Variants in CRBN observed in about 807,000 individuals in gnomAD.
CRBN encodes protein cereblon.
A neutral mutation model predicts 62.2 loss-of-function variants in CRBN; 53 were observed. That is an observed-to-expected ratio of 0.85 (90% CI 0.68 to 1.07). The LOEUF is 1.07. Among genes scored for constraint, CRBN ranks in the 50% least tolerant of loss-of-function variants. The pLI is 0.00. For missense variants in CRBN, 616 were observed against 531.1 expected (o/e 1.16, Z -1.57); for synonymous variants, 208 against 176.1 (o/e 1.18, Z -1.43).
At chr3:3,157,898 T>TTA (rs1377206134) in intron 5 of CRBN, among the ~76,000 whole-genome samples, 32 of 152,210 alleles carry the variant, frequency 2.1e-4, no homozygotes. Context: ...GATGTTCAGT[T>TTA]TAGAGCTGTC....
At chr3:3,162,977 G>A (rs532897440) in intron 5 of CRBN, among the ~76,000 whole-genome samples, 4 of 152,316 alleles carry the variant, frequency 2.6e-5, no homozygotes, top group African/African-American at 9.6e-5. Flanking sequence ...GGTGCAGCAT[G>A]CCAAACCACT....
At chr3:3,169,458 G>C (rs1292101149) in intron 4 of CRBN, among the ~76,000 whole-genome samples, 2 of 97,180 alleles carry the variant, frequency 2.1e-5, no homozygotes, top group African/African-American at 5.9e-5. Context: ...TTTCAAATTA[G>C]GTACAGACTA....
chr3:3,162,237 A>T (rs921827434), intron 5 of CRBN, among the ~76,000 whole-genome samples: 1 of 152,232 alleles, frequency 6.6e-6, no homozygotes, highest in Admixed American at 6.5e-5. Flanking sequence ...TATATGAATA[A>T]GCAGATGGTC....
intron 5 of CRBN, among the ~76,000 whole-genome samples, chr3:3,165,094 A>G (rs1315873114): frequency 3.3e-5 from 5 of 152,188 alleles, no homozygotes; most frequent in African/African-American, 9.6e-5. Context: ...CAGAAACAAA[A>G]AGAGAACTAA....
At chr3:3,161,294 C>A (rs1302547750) in intron 5 of CRBN, among the ~76,000 whole-genome samples, 1 of 152,156 alleles carries the variant, frequency 6.6e-6, no homozygotes, top group Non-Finnish European at 1.5e-5. Context: ...AAAGGAAACA[C>A]AAACTGCTCT....
intron 2 of CRBN, 120 bp downstream of exon 2, chr3:3,175,043 A>G (rs1707775831): frequency 1.0e-5 from 3 of 292,916 alleles, no homozygotes; most frequent in Non-Finnish European, 2.2e-5. Context: ...CAAATAGCCC[A>G]TGTCCTCATC....
At position 3,172,911 on chromosome 3, in the gene CRBN, C is replaced by G; in HGVS notation, c.392G>C (p.Arg131Thr). The G allele has an allele frequency of 2.5e-6, 4 of 1,613,780 alleles. No individual in the cohort carries two copies. The highest frequency in any genetic ancestry group is 3.4e-6 in the Non-Finnish European group (4 of 1,179,762). ...TGCTGTTGTTCCAAACTGTGCTTCC[C>G]TTTCCTGTACATTGCTTCCAAGAAA... ...AVLAYSNVQE[R>T]EAQFGTTAEI... The change falls in exon 4 of 11, where the codon AGG becomes ACG. Residue 131 changes from arginine to threonine, a missense_variant. Arg to Thr is a moderately conservative substitution (Grantham distance 71). Coordinates refer to ENST00000231948, the MANE Select transcript of CRBN (RefSeq NM_016302.4).
intron 7 of CRBN, 172 bp from the exon 8 acceptor site, chr3:3,154,247 G>A (rs1411833213): frequency 3.4e-6 from 2 of 596,512 alleles, no homozygotes; most frequent in Admixed American, 5.9e-5. Context: ...CTTTTCAGAA[G>A]CTCTAAATTT....
At chr3:3,155,774 A>G (rs1435538660) in intron 6 of CRBN, 1 of 159,368 alleles carries the variant, frequency 6.3e-6, no homozygotes. Context: ...ACAAAATTTC[A>G]CATGCTTAAT....
In CRBN at chr3:3,150,749, G is replaced by GTTTAC; in HGVS notation, c.*111_*115dup. On this transcript the variant is annotated 3_prime_UTR_variant, in exon 11 of 11. Coordinates refer to ENST00000231948, the MANE Select transcript of CRBN (RefSeq NM_016302.4). ...ACTGCAACCCTCCAAGTAATGTTAT[G>GTTTAC]TTTACTTAGGTATTAATGTTATGTT... 1 of 994,068 alleles carries GTTTAC rather than the reference G, an allele frequency of 1.0e-6. No homozygotes were observed. The highest frequency in any genetic ancestry group is 1.5e-6 in the Non-Finnish European group (1 of 669,442). The allele number at this position is 994,068 out of a possible 1,614,324, so 61.6% of individuals were successfully genotyped here.
chr3:3,163,777 T>C (rs1157066498), intron 5 of CRBN, among the ~76,000 whole-genome samples: 1 of 152,100 alleles, frequency 6.6e-6, no homozygotes, highest in Non-Finnish European at 1.5e-5. Flanking sequence ...CCCAAATACT[T>C]AATACAGGCA....
chr3:3,179,089 T>G (rs555176065), intron 1 of CRBN, among the ~76,000 whole-genome samples: 1 of 152,330 alleles, frequency 6.6e-6, no homozygotes, highest in South Asian at 2.1e-4. Context: ...GACTCTGCTG[T>G]GTGACCTTGG....
chr3:3,152,532 C>A lies in CRBN; in HGVS notation c.1072G>T (p.Glu358Ter), dbSNP rs1706646064. The A allele has an allele frequency of 6.2e-7, 1 of 1,613,922 alleles. No homozygotes were observed. The highest frequency in any genetic ancestry group is 1.1e-5 in the South Asian group (1 of 91,080). ...AYVNPHGYVH[E>*]TLTVYKACNL... ...CAAGCCTTATACACAGTAAGTGTCT[C>A]ATGCACATATCCATGAGGATTCACA... Residue 358 changes from glutamate (E) to a stop codon, truncating the protein, a stop_gained, in exon 10 of 11, where the codon GAG becomes TAG. Transcript: ENST00000231948. LOFTEE classifies it high-confidence loss of function.
intron 2 of CRBN, 113 bp downstream of exon 2, chr3:3,175,050 C>T: frequency 2.6e-6 from 1 of 388,796 alleles, no homozygotes; most frequent in South Asian, 2.6e-5. Flanking sequence ...CCCATGTCCT[C>T]ATCCACAATT....
intron 5 of CRBN, among the ~76,000 whole-genome samples, chr3:3,166,753 T>G (rs988170075): frequency 6.6e-6 from 1 of 152,120 alleles, no homozygotes; most frequent in African/African-American, 2.4e-5. Context: ...GGAATTCTAC[T>G]GCAAGAACAA....
rs1706494771 is a variant in CRBN at position 3,150,945 on chromosome 3, A to C, written c.1249T>G (p.Leu417Val). 1 of 1,613,958 alleles carries C rather than the reference A, an allele frequency of 6.2e-7. No individual in the cohort carries two copies. The highest frequency in any genetic ancestry group is 1.3e-5 in the African/African-American group (1 of 74,932). ...GTGGGCAACAGAGCAGATCGCGTTA[A>C]GCCCCAAAATTTTTGAGGTGACATG... ...KDMSPQKFWG[L>V]TRSALLPTIP... Residue 417 changes from leucine (L) to valine (V), a missense_variant, in exon 11 of 11, where the codon TTA becomes GTA. By Grantham distance (32) the Leu-to-Val change is conservative. Transcript: ENST00000231948.
rs199841185 is a variant in CRBN, at chr3:3,172,892, T to G, written c.411A>C (p.Thr137=). 216 of 1,613,782 alleles carry G rather than the reference T, an allele frequency of 1.3e-4. No homozygotes were observed. Among genetic ancestry groups the G allele is most frequent in the Middle Eastern group, 9.9e-4 (6 of 6,082 alleles). ...CTCGATAGGCATATATCTCTGCTGTTGTTCCAAACTGTGCTTCCCTTTCCT... is the reference window on the plus strand; with the variant it reads ...CTCGATAGGCATATATCTCTGCTGTGGTTCCAAACTGTGCTTCCCTTTCCT... ...NVQEREAQFG[T]TAEIYAYREE... is the part of the protein sequence containing the mutation. The change falls in exon 4 of 11, where the codon ACA becomes ACC. Residue 137 remains threonine (T), a synonymous_variant. Transcript: ENST00000231948.
upstream of CRBN, chr3:3,179,706 G>A (rs770807773): frequency 1.2e-5 from 19 of 1,611,728 alleles, no homozygotes; most frequent in Non-Finnish European, 1.1e-5. Context: ...ACCCGCAAAG[G>A]AGGCTGGGAC....
rs1483237189 is a variant in CRBN at position 3,174,086 on chromosome 3, T to G, written c.350A>C (p.Asp117Ala). Residue 117 changes from aspartate to alanine, a missense_variant, in exon 3 of 11, where the codon GAT becomes GCT. Transcript: ENST00000231948. ...GTATGCAAGAACAGCAAAGGTTCTA[T>G]CTTTCTGAATTAAATTCCGCACCAT... The part of the protein sequence containing the change: ...VSMVRNLIQK[D>A]RTFAVLAYSN... The G allele has an allele frequency of 6.2e-7, 1 of 1,614,036 alleles. No homozygotes were observed. The highest frequency in any genetic ancestry group is 1.3e-5 in the African/African-American group (1 of 74,926).
Sources: gnomAD v4.1 joint callset for allele counts (sites outside exome capture counted in the v4.1 genomes callset) on GRCh38, gnomAD v4.1.1 for gene constraint, MANE v1.5 for transcripts, NCBI Gene and HGNC (gene_info 2026-07-23, HGNC 2026-07-21) for gene names.